ABRAXAS2: variants seen among roughly 807,000 people sequenced by gnomAD.
The protein encoded by ABRAXAS2 is abraxas 2, BRISC complex subunit.
In ABRAXAS2, 23 loss-of-function variants were observed where a neutral mutation model predicts 49.0. That is an observed-to-expected ratio of 0.47 (90% confidence interval 0.34 to 0.66). The LOEUF is 0.66. Ranked by LOEUF, ABRAXAS2 falls within the 30% of genes least tolerant of loss-of-function variation. The pLI, the probability that ABRAXAS2 is intolerant of heterozygous loss-of-function variation, is 0.01. For synonymous variants in ABRAXAS2, 168 were observed against 180.2 expected, an observed-to-expected ratio of 0.93 and a Z score of 0.54; for missense variants, 443 against 511.9, an observed-to-expected ratio of 0.87 and a Z score of 1.30.
At chr10:124,813,514 G>A (rs1340882147) in intron 2 of ABRAXAS2, among the ~76,000 whole-genome samples, 1 of 152,218 alleles carries the variant, frequency 6.6e-6, no homozygotes, top group Non-Finnish European at 1.5e-5. Context: ...ATGTGTACAT[G>A]AGCAGGTGTC....
At chr10:124,816,685 G>A in intron 3 of ABRAXAS2, 73 bp downstream of exon 3, 3 of 1,071,020 alleles carry the variant, frequency 2.8e-6, no homozygotes, top group South Asian at 1.3e-5. Context: ...ATTTTGGCCT[G>A]TAGCTGATTG....
intron 2 of ABRAXAS2, chr10:124,814,866 C>G (rs1015196267): frequency 6.6e-6 from 1 of 151,548 alleles, no homozygotes; most frequent in African/African-American, 2.4e-5. Context: ...AGGCTGGTCT[C>G]AAACTCCTGA....
chr10:124,832,192 CTA>C (rs1950937852), intron 8 of ABRAXAS2, among the ~76,000 whole-genome samples: 1 of 151,956 alleles, frequency 6.6e-6, no homozygotes, highest in South Asian at 2.1e-4. Flanking sequence ...CATAGAGGAG[CTA>C]CCAAATATTC....
chr10:124,828,817 A>T lies in ABRAXAS2; in HGVS notation c.520A>T (p.Lys174Ter). 6.2e-7 allele frequency: 1 copy of T among 1,613,808 alleles called. No homozygotes were observed. Among genetic ancestry groups the T allele is most frequent in the South Asian group, 1.1e-5 (1 of 91,074 alleles). Reference sequence around the variant, plus strand: ...AGGAAATACTAGCCAGCAAGAGTACAAAGTGTCTTCAGTGCCAAATACTTC... The same window carrying T: ...AGGAAATACTAGCCAGCAAGAGTACTAAGTGTCTTCAGTGCCAAATACTTC... Reference protein sequence around the residue: ...NLGNTSQQEYKVSSVPNTSQS... With the variant: ...NLGNTSQQEY Residue 174 changes from lysine (K) to a stop codon, truncating the protein, a stop_gained, in exon 6 of 9, where the codon AAA becomes TAA. Transcript: ENST00000298492. LOFTEE classifies it high-confidence loss of function.
chr10:124,833,338 A>T (rs1950947598), intron 8 of ABRAXAS2, among the ~76,000 whole-genome samples: 1 of 148,814 alleles, frequency 6.7e-6, no homozygotes, highest in African/African-American at 2.5e-5. Flanking sequence ...GGTGGCATGC[A>T]CCTCTAGTCC....
At chr10:124,809,578 G>A (rs1317812416) in intron 2 of ABRAXAS2, among the ~76,000 whole-genome samples, 1 of 151,828 alleles carries the variant, frequency 6.6e-6, no homozygotes, top group Non-Finnish European at 1.5e-5. Flanking sequence ...GAGCCACCAC[G>A]CCTGGCCCCA....
intron 3 of ABRAXAS2, among the ~76,000 whole-genome samples, chr10:124,817,794 A>G (rs1950834902): frequency 6.6e-6 from 1 of 152,202 alleles, no homozygotes. Flanking sequence ...AATTGTCACC[A>G]TGCAAGATGG....
intron 4 of ABRAXAS2, among the ~76,000 whole-genome samples, chr10:124,821,322 T>C (rs1438031879): frequency 1.3e-5 from 2 of 151,966 alleles, no homozygotes; most frequent in Non-Finnish European, 2.9e-5. Flanking sequence ...ATCCCAGCAC[T>C]TGGGGAGGCG....
chr10:124,831,485 C>A, intron 8 of ABRAXAS2, 22 bp downstream of exon 8: 2 of 1,292,660 alleles, frequency 1.5e-6, no homozygotes, highest in Non-Finnish European at 2.2e-6. Flanking sequence ...ATTAATTTTA[C>A]CATTCAGTAT....
intron 4 of ABRAXAS2, among the ~76,000 whole-genome samples, chr10:124,823,080 G>T (rs1284530883): frequency 2.0e-5 from 3 of 152,224 alleles, no homozygotes; most frequent in East Asian, 3.9e-4. Context: ...TGGAAAATAT[G>T]TTTCATTTCC....
chr10:124,815,389 T>G (rs1950817552), intron 2 of ABRAXAS2, among the ~76,000 whole-genome samples: 1 of 151,828 alleles, frequency 6.6e-6, no homozygotes, highest in Non-Finnish European at 1.5e-5. Context: ...GGAGACGAGG[T>G]TTCACCGTGT....
intron 3 of ABRAXAS2, 50 bp from the exon 4 acceptor site, chr10:124,819,334 A>G (rs1950846035): frequency 2.0e-6 from 3 of 1,490,738 alleles, no homozygotes; most frequent in Non-Finnish European, 2.8e-6. Flanking sequence ...AAGCACGTCT[A>G]TGTCACAATA....
intron 2 of ABRAXAS2, among the ~76,000 whole-genome samples, chr10:124,814,459 C>T (rs1950810864): frequency 1.3e-5 from 2 of 151,050 alleles, no homozygotes; most frequent in Admixed American, 6.6e-5. Flanking sequence ...AAGTGATTCT[C>T]CCACACCTCA....
chr10:124,833,145 CA>C (rs1249214741), intron 8 of ABRAXAS2, among the ~76,000 whole-genome samples: 4 of 114,204 alleles, frequency 3.5e-5, no homozygotes, highest in African/African-American at 1.4e-4. Context: ...GACTCTGTCT[CA>C]AAAAAAAAAA....
At chr10:124,807,160 A>C (rs1950750391) in intron 2 of ABRAXAS2, among the ~76,000 whole-genome samples, 1 of 151,860 alleles carries the variant, frequency 6.6e-6, no homozygotes, top group African/African-American at 2.4e-5. Context: ...AAAATACAAA[A>C]AAATTAGCCG....
At chr10:124,817,595 A>G (rs1438843417) in intron 3 of ABRAXAS2, among the ~76,000 whole-genome samples, 3 of 152,044 alleles carry the variant, frequency 2.0e-5, no homozygotes, top group Admixed American at 2.0e-4. Flanking sequence ...CTTGATCAGC[A>G]GTTCCTTCCG....
In ABRAXAS2 at chr10:124,836,122, G is replaced by GC. The variant is rs1196904398; in HGVS notation, c.*1152dup. 1 of 152,566 alleles carries GC rather than the reference G, an allele frequency of 6.6e-6. No individual in the cohort carries two copies. Among genetic ancestry groups the GC allele is most frequent in the Non-Finnish European group, 1.5e-5 (1 of 68,026 alleles). The allele number at this position is 152,566 out of a possible 1,614,324, so 9.5% of individuals were successfully genotyped here. A position where few individuals can be genotyped will look rare whatever the true frequency, so the allele number is the denominator to read the frequency against. Reference sequence around the variant, plus strand: ...ATGTTGAGCTTCTGGTTTGGAAACAGCAAGACCCACCATTTATGACAAGGA... The same window carrying GC: ...ATGTTGAGCTTCTGGTTTGGAAACAGCCAAGACCCACCATTTATGACAAGGA... On this transcript the variant is annotated 3_prime_UTR_variant, in exon 9 of 9. Transcript: ENST00000298492.
At chr10:124,819,352 G>T in intron 3 of ABRAXAS2, 32 bp from the exon 4 acceptor site, 2 of 1,574,780 alleles carry the variant, frequency 1.3e-6, no homozygotes, top group Non-Finnish European at 1.7e-6. Flanking sequence ...ATACTATGTG[G>T]TGTTAGTACA....
chr10:124,826,098 T>C (rs1440631831), intron 4 of ABRAXAS2, among the ~76,000 whole-genome samples: 1 of 152,242 alleles, frequency 6.6e-6, no homozygotes, highest in African/African-American at 2.4e-5. Flanking sequence ...AATTGACATA[T>C]AACACATATC....
Sources: gnomAD v4.1 joint callset for allele counts (sites outside exome capture counted in the v4.1 genomes callset) on GRCh38, gnomAD v4.1.1 for gene constraint, MANE v1.5 for transcripts, NCBI Gene and HGNC (gene_info 2026-07-23, HGNC 2026-07-21) for gene names.